The following PIWIL1 variants were observed in gnomAD, a reference collection of about 807,000 sequenced individuals.
The protein encoded by PIWIL1 is piwi like RNA-mediated gene silencing 1, also known as piwi-like protein 1.
Under a neutral mutation model 114.4 loss-of-function variants are expected in PIWIL1, and 73 were observed. The ratio of observed to expected loss-of-function variants is 0.64; its 90% confidence interval spans 0.53 to 0.78. The LOEUF (loss-of-function observed/expected upper bound fraction) is 0.78, where lower values mean the gene tolerates loss of function less well. Among genes scored for constraint, PIWIL1 ranks in the 30% least tolerant of loss-of-function variants. The pLI, the probability that PIWIL1 is intolerant of heterozygous loss-of-function variation, is 0.00. For missense variants in PIWIL1, 723 were observed against 1,063.1 expected (o/e 0.68, Z 4.45); for synonymous variants, 375 against 369.0 (o/e 1.02, Z -0.19).
At chr12:130,401,800 T>C in the PIWIL1 span, among the ~76,000 whole-genome samples, 1 of 152,292 alleles carries the variant, frequency 6.6e-6, no homozygotes, top group South Asian at 2.1e-4. Flanking sequence ...CAGATTTCTC[T>C]GCCAGCCTTA....
chr12:130,394,330 C>T, the PIWIL1 span, among the ~76,000 whole-genome samples: 24,733 of 152,196 alleles, frequency 0.16, 2,226 homozygotes, highest in East Asian at 0.41. Context: ...GCCTGGAGTC[C>T]GACTGCAACA....
chr12:130,345,564 A>G, intron 3 of PIWIL1, 189 bp from the exon 4 acceptor site: 1 of 557,120 alleles, frequency 1.8e-6, no homozygotes, highest in South Asian at 2.4e-5. Context: ...TTTATGAATG[A>G]AGTTATAACT....
rs754557860 is a variant in PIWIL1, at chr12:130,361,600, C to T, written c.1969C>T (p.Arg657Cys). 35 of 1,612,900 alleles carry T rather than the reference C, an allele frequency of 2.2e-5. No individual in the cohort carries two copies. The highest frequency in any genetic ancestry group is 2.7e-5 in the Non-Finnish European group (32 of 1,178,970). ...TGCCAGCATCAATGAAGGGATGACCCGGTGAGTGAGACTGGGCTACTGTGG... is the reference window on the plus strand; with the variant it reads ...TGCCAGCATCAATGAAGGGATGACCTGGTGAGTGAGACTGGGCTACTGTGG... ...FVASINEGMT[R>C]WFSRCIFQDR... Residue 657 changes from arginine (R) to cysteine (C), a missense_variant and splice_region_variant, in exon 16 of 21, where the codon CGC becomes TGC. Around this residue, in one of 8 missense-constraint regions of PIWIL1, gnomAD observed 298 missense variants for 420.8 expected, o/e 0.71. Transcript: ENST00000245255.
rs374854593 is a variant in PIWIL1, at chr12:130,355,024, T to C, written c.1289+19T>C. ...TTCATAAGTAAGTCATTGATTTCACTGGGGCAGGGTTTCAGTTTTGTGTTT... is the reference window on the plus strand; with the variant it reads ...TTCATAAGTAAGTCATTGATTTCACCGGGGCAGGGTTTCAGTTTTGTGTTT... On this transcript the variant is annotated intron_variant, in intron 11 of 20. Coordinates refer to ENST00000245255, the MANE Select transcript of PIWIL1 (RefSeq NM_004764.5). 7.0e-7 allele frequency: 1 copy of C among 1,436,876 alleles called. No individual in the cohort carries two copies. The highest frequency in any genetic ancestry group is 1.4e-5 in the African/African-American group (1 of 71,532). 89.0% of individuals were successfully genotyped at this position (1,436,876 alleles called of 1,614,324 possible). A position where few individuals can be genotyped will look rare whatever the true frequency, so the allele number is the denominator to read the frequency against.
intron 18 of PIWIL1, 67 bp from the exon 19 acceptor site, chr12:130,367,066 C>T: frequency 6.3e-7 from 1 of 1,582,274 alleles, no homozygotes; most frequent in Non-Finnish European, 8.7e-7. Context: ...CATGTGAACA[C>T]CTGAATGAAT....
the PIWIL1 span, among the ~76,000 whole-genome samples, chr12:130,404,456 C>G: frequency 6.6e-6 from 1 of 152,166 alleles, no homozygotes; most frequent in Non-Finnish European, 1.5e-5. Context: ...TGCCACCACG[C>G]CCGGCTAATT....
chr12:130,340,645 G>GC (rs2072889567), intron 1 of PIWIL1, among the ~76,000 whole-genome samples: 1 of 46,778 alleles, frequency 2.1e-5, no homozygotes, highest in Admixed American at 2.1e-4. Context: ...GGGAGGGGGG[G>GC]TGGGGGGAGG....
At chr12:130,400,345 T>C in the PIWIL1 span, among the ~76,000 whole-genome samples, 2 of 152,184 alleles carry the variant, frequency 1.3e-5, no homozygotes. Flanking sequence ...TCAAACAATA[T>C]GGAGAAAATG....
the PIWIL1 span, among the ~76,000 whole-genome samples, chr12:130,400,161 T>C: frequency 6.6e-6 from 1 of 152,130 alleles, no homozygotes; most frequent in African/African-American, 2.4e-5. Context: ...TCTGAGGCAC[T>C]AGGGAGCTGC....
intron 19 of PIWIL1, among the ~76,000 whole-genome samples, chr12:130,369,391 T>C (rs548292589): frequency 7.9e-5 from 12 of 152,380 alleles, no homozygotes; most frequent in African/African-American, 2.9e-4. Context: ...GAATTATTTA[T>C]ATTTATTTGG....
At chr12:130,423,382 C>T in the PIWIL1 span, among the ~76,000 whole-genome samples, 19 of 152,324 alleles carry the variant, frequency 1.2e-4, no homozygotes, top group East Asian at 3.9e-4. Context: ...GTGGGCCCAT[C>T]GCAAGCACAC....
downstream of PIWIL1, among the ~76,000 whole-genome samples, chr12:130,375,626 T>A (rs1049323090): frequency 6.6e-6 from 1 of 152,206 alleles, no homozygotes; most frequent in South Asian, 2.1e-4. Context: ...TCTCCTTGTT[T>A]CCCTGCTTTA....
the PIWIL1 span, among the ~76,000 whole-genome samples, chr12:130,411,614 C>G: frequency 6.6e-6 from 1 of 152,112 alleles, no homozygotes; most frequent in East Asian, 1.9e-4. Flanking sequence ...TTCTTGTATA[C>G]TTTCTGGGTC....
At chr12:130,389,915 T>G in the PIWIL1 span, among the ~76,000 whole-genome samples, 1 of 152,234 alleles carries the variant, frequency 6.6e-6, no homozygotes, top group Non-Finnish European at 1.5e-5. Context: ...TCTCTCTCTA[T>G]AGCTGATACA....
intron 1 of PIWIL1, among the ~76,000 whole-genome samples, chr12:130,338,735 T>C (rs1219351756): frequency 8.0e-5 from 5 of 62,144 alleles, no homozygotes; most frequent in Admixed American, 4.4e-4. Flanking sequence ...GTCCCAGGTT[T>C]GGGAGATGCA....
At chr12:130,360,192 C>T (rs139886487) in intron 14 of PIWIL1, among the ~76,000 whole-genome samples, 16 of 152,298 alleles carry the variant, frequency 1.1e-4, no homozygotes, top group African/African-American at 3.1e-4. Context: ...TTTAGCCCTT[C>T]ATGTCACACT....
chr12:130,369,734 GT>G (rs551978256), intron 19 of PIWIL1, among the ~76,000 whole-genome samples: 1,929 of 150,930 alleles, frequency 0.013, 39 homozygotes, highest in Admixed American at 0.047. Flanking sequence ...ACTTTTTAAT[GT>G]TTTTTTTTCT....
the PIWIL1 span, among the ~76,000 whole-genome samples, chr12:130,422,946 T>C: frequency 1.3e-5 from 2 of 152,200 alleles, no homozygotes; most frequent in African/African-American, 2.4e-5. This position sits in a 1 kb window ranked among gnomAD's most constrained non-coding sequence, Gnocchi z 5.2. Context: ...CTCCCAGCTG[T>C]CACGAAAGTG....
intron 4 of PIWIL1, 115 bp from the exon 5 acceptor site, chr12:130,346,255 T>C (rs1425887170): frequency 4.2e-6 from 3 of 720,254 alleles, no homozygotes; most frequent in Non-Finnish European, 6.9e-6. Context: ...TTTCATGTTG[T>C]CTGCTGCTCT....
Sources: allele counts gnomAD v4.1 joint callset (sites outside exome capture counted in the v4.1 genomes callset), GRCh38; gene constraint gnomAD v4.1.1; regional missense constraint gnomAD v4.1.1; non-coding constraint Gnocchi (gnomAD v3.1); transcripts MANE v1.5; gene names NCBI Gene and HGNC (gene_info 2026-07-23, HGNC 2026-07-21).